TLE1: variants seen among roughly 807,000 people sequenced by gnomAD.
TLE1 encodes transducin-like enhancer protein 1.
Under a neutral mutation model 89.8 loss-of-function variants are expected in TLE1, and 21 were observed. That is an observed-to-expected ratio of 0.23 (90% CI 0.17 to 0.34). TLE1 has a LOEUF of 0.34. Ranked by LOEUF, TLE1 falls within the 10% of genes least tolerant of loss-of-function variation. The probability of loss-of-function intolerance (pLI) is 1.00; values close to 1 mark genes in which losing one functional copy is unlikely to be tolerated. For synonymous variants in TLE1, 447 were observed against 407.6 expected, an observed-to-expected ratio of 1.10 and a Z score of -1.16; for missense variants, 795 against 1,031.2, an observed-to-expected ratio of 0.77 and a Z score of 3.14.
chr9:81,676,905 A>C (rs1006118679), intron 4 of TLE1, among the ~76,000 whole-genome samples: 1 of 152,362 alleles, frequency 6.6e-6, no homozygotes, highest in East Asian at 1.9e-4. Context: ...TTTATTTTAA[A>C]TGTATACAAC....
At chr9:81,591,087 T>A in intron 15 of TLE1, 35 bp from the exon 16 acceptor site, 2 of 1,597,494 alleles carry the variant, frequency 1.3e-6, no homozygotes, top group Non-Finnish European at 1.7e-6. Flanking sequence ...CTATAATGAA[T>A]TACCGAGCAA....
At chr9:81,593,796 T>C (rs982123036) in intron 14 of TLE1, among the ~76,000 whole-genome samples, 2 of 152,202 alleles carry the variant, frequency 1.3e-5, no homozygotes, top group African/African-American at 4.8e-5. Flanking sequence ...ACTTCAACTT[T>C]CTCTTGCTTA....
At chr9:81,665,503 G>A (rs533875527) in intron 4 of TLE1, among the ~76,000 whole-genome samples, 1 of 152,124 alleles carries the variant, frequency 6.6e-6, no homozygotes, top group Admixed American at 6.5e-5. Flanking sequence ...AACAAGGAGG[G>A]GTTAAAAGAA....
At chr9:81,610,330 T>C (rs191180737) in intron 13 of TLE1, 34 bp from the exon 14 acceptor site, 1 of 1,552,400 alleles carries the variant, frequency 6.4e-7, no homozygotes, top group East Asian at 2.2e-5. Flanking sequence ...CAGACTCAGT[T>C]TATTGCAGCA....
Position 81,616,677 on chromosome 9 carries a change from T to A in TLE1, c.734A>T (p.Asp245Val), listed in dbSNP as rs752063671. ...SHYDSDGDKS[D>V]DNLVVDVSNE... ...AGACACATCCACAACTAAGTTGTCA[T>A]CGCTTTTGTCACCATCACTGTCCTG... Residue 245 changes from aspartate to valine, a missense_variant, in exon 10 of 20, where the codon GAT (aspartate) becomes GTT (valine). Coordinates refer to ENST00000376499, the MANE Select transcript of TLE1 (RefSeq NM_005077.5). 5 of 1,614,066 alleles carry A rather than the reference T, an allele frequency of 3.1e-6. No individual in the cohort carries two copies. The Admixed American group carries it at 8.3e-5, about 27-fold the overall frequency.
chr9:81,671,826 T>C (rs575298955), intron 4 of TLE1, among the ~76,000 whole-genome samples: 56 of 152,208 alleles, frequency 3.7e-4, no homozygotes, highest in Non-Finnish European at 7.4e-4. Flanking sequence ...CCTAAGTTAG[T>C]GGTATGATTT....
intron 8 of TLE1, among the ~76,000 whole-genome samples, chr9:81,626,453 C>T (rs1825920626): frequency 6.6e-6 from 1 of 152,140 alleles, no homozygotes; most frequent in Admixed American, 6.5e-5. Context: ...ACGTACTCTG[C>T]CTAACACTTC....
intron 14 of TLE1, 90 bp from the exon 15 acceptor site, chr9:81,593,364 G>C: frequency 7.0e-7 from 1 of 1,421,648 alleles, no homozygotes; most frequent in Non-Finnish European, 9.3e-7. Flanking sequence ...CTATGAAAAA[G>C]ATGAAAAAAA....
At chr9:81,683,679 C>G (rs1234454293) in intron 4 of TLE1, among the ~76,000 whole-genome samples, 1 of 152,154 alleles carries the variant, frequency 6.6e-6, no homozygotes, top group Non-Finnish European at 1.5e-5. Context: ...TTTCCAATAT[C>G]AACTAAATTT....
Position 81,584,015 on chromosome 9 carries a change from C to T in TLE1, c.*183G>A, listed in dbSNP as rs1828000454. ...TGGTGCTCCATTTGGTCTATGTAGACAGGTGACTTTCTGCTGATGGACTTG... is the reference window on the plus strand; with the variant it reads ...TGGTGCTCCATTTGGTCTATGTAGATAGGTGACTTTCTGCTGATGGACTTG... On this transcript the variant is annotated 3_prime_UTR_variant, in exon 20 of 20. Coordinates refer to ENST00000376499, the MANE Select transcript of TLE1 (RefSeq NM_005077.5). 3.3e-6 allele frequency: 2 copies of T among 609,194 alleles called. No individual in the cohort carries two copies. Among genetic ancestry groups the T allele is most frequent in the Non-Finnish European group, 5.8e-6 (2 of 346,040 alleles). 37.7% of individuals were successfully genotyped at this position (609,194 alleles called of 1,614,324 possible).
intron 8 of TLE1, among the ~76,000 whole-genome samples, chr9:81,631,029 T>C (rs1310631936): frequency 7.9e-5 from 12 of 152,260 alleles, no homozygotes; most frequent in Admixed American, 7.2e-4. Flanking sequence ...TATATACTTG[T>C]TCTGAAAATA....
chr9:81,667,882 A>T (rs1050223512), intron 4 of TLE1, among the ~76,000 whole-genome samples: 7 of 152,124 alleles, frequency 4.6e-5, no homozygotes, highest in Non-Finnish European at 2.9e-5. Flanking sequence ...GGATACTCAG[A>T]CCCGGGCGTG....
intron 4 of TLE1, among the ~76,000 whole-genome samples, chr9:81,671,544 C>T (rs1203391212): frequency 2.0e-5 from 3 of 151,992 alleles, no homozygotes; most frequent in African/African-American, 7.2e-5. Flanking sequence ...ACTCGAGAGG[C>T]CAAGGCAGGA....
At chr9:81,596,087 A>G (rs1176983851) in intron 14 of TLE1, among the ~76,000 whole-genome samples, 1 of 152,204 alleles carries the variant, frequency 6.6e-6, no homozygotes, top group African/African-American at 2.4e-5. Flanking sequence ...CCTGCTTATC[A>G]TAGAGTTAAA....
chr9:81,593,994 T>C (rs62578607), intron 14 of TLE1, among the ~76,000 whole-genome samples: 11,921 of 152,216 alleles, frequency 0.078, 546 homozygotes, highest in Middle Eastern at 0.15. Flanking sequence ...CAATGAGGTG[T>C]AAGAAGAAGC....
intron 6 of TLE1, among the ~76,000 whole-genome samples, chr9:81,650,447 T>C (rs1439442340): frequency 6.6e-6 from 1 of 152,218 alleles, no homozygotes; most frequent in Non-Finnish European, 1.5e-5. Flanking sequence ...TTTCTTTTAA[T>C]CAAAACAGGC....
At chr9:81,676,893 C>A (rs1303054181) in intron 4 of TLE1, among the ~76,000 whole-genome samples, 1 of 152,156 alleles carries the variant, frequency 6.6e-6, no homozygotes, top group Admixed American at 6.5e-5. Context: ...TTAAAATGTT[C>A]ATTTATTTTA....
At chr9:81,673,544 A>G (rs977827453) in intron 4 of TLE1, among the ~76,000 whole-genome samples, 2 of 152,170 alleles carry the variant, frequency 1.3e-5, no homozygotes, top group Non-Finnish European at 2.9e-5. Context: ...CCATGCCAGG[A>G]AACTACGCAA....
chr9:81,683,618 C>A (rs1272738679), intron 4 of TLE1, among the ~76,000 whole-genome samples: 1 of 152,156 alleles, frequency 6.6e-6, no homozygotes, highest in Non-Finnish European at 1.5e-5. Context: ...CCACTTTAAA[C>A]TGAATTATAG....
Sources: allele counts gnomAD v4.1 joint callset (sites outside exome capture counted in the v4.1 genomes callset), GRCh38; gene constraint gnomAD v4.1.1; transcripts MANE v1.5; gene names NCBI Gene and HGNC (gene_info 2026-07-23, HGNC 2026-07-21).